RPF2: variants seen among roughly 807,000 people sequenced by gnomAD.
RPF2 encodes brix domain containing 1.
A neutral mutation model predicts 38.9 loss-of-function variants in RPF2; 21 were observed. The observed-to-expected ratio is 0.54, with a 90% confidence interval of 0.38 to 0.78. RPF2 has a LOEUF of 0.78. Ranked by LOEUF, RPF2 falls within the 30% of genes least tolerant of loss-of-function variation. The probability of loss-of-function intolerance (pLI) is 0.00; values close to 1 mark genes in which losing one functional copy is unlikely to be tolerated. For missense variants in RPF2, 314 were observed against 358.1 expected (o/e 0.88, Z 0.99); for synonymous variants, 121 against 126.2 (o/e 0.96, Z 0.28).
chr6:110,982,137 C>G lies in RPF2; in HGVS notation c.23+8C>G. On this transcript the variant is annotated splice_region_variant and intron_variant, in intron 1 of 9. Coordinates refer to ENST00000441448, the MANE Select transcript of RPF2 (RefSeq NM_032194.3). ...CACTCTGGATCGAGTAGTGTAAGTG[C>G]GCTGGGTCTCAGCCCCGGGGAGCGT... The G allele has an allele frequency of 6.2e-7, 1 of 1,614,088 alleles. No homozygotes were observed. Among genetic ancestry groups the G allele is most frequent in the Non-Finnish European group, 8.5e-7 (1 of 1,179,942 alleles).
intron 8 of RPF2, among the ~76,000 whole-genome samples, chr6:111,022,792 A>G (rs1458784265): frequency 6.6e-6 from 1 of 152,232 alleles, no homozygotes. Flanking sequence ...CGGATATGCC[A>G]TGAGCTGTTT....
chr6:111,004,731 G>A (rs1490642324), intron 6 of RPF2, among the ~76,000 whole-genome samples: 1 of 151,668 alleles, frequency 6.6e-6, no homozygotes, highest in East Asian at 1.9e-4. Context: ...ACCACGCCTG[G>A]CTAATTTCTG....
chr6:111,021,441 C>T (rs561753504), intron 8 of RPF2, among the ~76,000 whole-genome samples: 1 of 152,262 alleles, frequency 6.6e-6, no homozygotes, highest in Admixed American at 6.5e-5. Flanking sequence ...AATCACTAAA[C>T]ATGTGGATCA....
intron 6 of RPF2, among the ~76,000 whole-genome samples, chr6:111,005,582 A>G (rs9374240): frequency 0.13 from 19,677 of 152,152 alleles, 1,755 homozygotes; most frequent in East Asian, 0.5. Context: ...AAATTATATT[A>G]CTTCTCATGT....
At position 111,026,513 on chromosome 6, in the gene RPF2, T is replaced by C. The variant is rs1340553557; in HGVS notation, c.*931T>C. 2 of 152,210 alleles carry C rather than the reference T, an allele frequency of 1.3e-5. No individual in the cohort carries two copies. The highest frequency in any genetic ancestry group is 2.9e-5 in the Non-Finnish European group (2 of 68,090). The allele number at this position is 152,210 out of a possible 1,614,324, so 9.4% of individuals were successfully genotyped here. A position where few individuals can be genotyped will look rare whatever the true frequency, so the allele number is the denominator to read the frequency against. The stretch of plus-strand genomic sequence containing the variant: ...CCACTGCACCTGGCAGAAAAGAAGT[T>C]TTGATAGGGGCAGAAATGAAAAAGG... On this transcript the variant is annotated 3_prime_UTR_variant, in exon 10 of 10. Coordinates refer to ENST00000441448, the MANE Select transcript of RPF2 (RefSeq NM_032194.3).
intron 4 of RPF2, among the ~76,000 whole-genome samples, chr6:110,996,959 A>G (rs1258764762): frequency 6.6e-6 from 1 of 151,888 alleles, no homozygotes; most frequent in Non-Finnish European, 1.5e-5. Flanking sequence ...GTGCCTTCAC[A>G]CCTGGCTGTC....
At chr6:111,011,338 G>A (rs1215568275) in intron 7 of RPF2, among the ~76,000 whole-genome samples, 1 of 139,868 alleles carries the variant, frequency 7.1e-6, no homozygotes, top group African/African-American at 2.7e-5. Flanking sequence ...GTCTCACTCT[G>A]TTGCCCTGGC....
At chr6:111,002,851 C>T (rs1165196755) in intron 6 of RPF2, among the ~76,000 whole-genome samples, 1 of 151,874 alleles carries the variant, frequency 6.6e-6, no homozygotes, top group Non-Finnish European at 1.5e-5. Flanking sequence ...TCACTACAAC[C>T]TCTGCCTCCC....
At chr6:111,014,896 A>G (rs1050413416) in intron 7 of RPF2, among the ~76,000 whole-genome samples, 18 of 152,124 alleles carry the variant, frequency 1.2e-4, no homozygotes, top group African/African-American at 3.6e-4. Context: ...GGGATCAGCA[A>G]TCCTCCCACC....
At chr6:111,022,804 G>C (rs188212157) in intron 8 of RPF2, among the ~76,000 whole-genome samples, 30 of 152,298 alleles carry the variant, frequency 2.0e-4, no homozygotes, top group Admixed American at 1.5e-3. Context: ...GAGCTGTTTT[G>C]AATTGACAAG....
At chr6:111,011,452 A>G (rs897737151) in intron 7 of RPF2, among the ~76,000 whole-genome samples, 2 of 151,788 alleles carry the variant, frequency 1.3e-5, no homozygotes, top group African/African-American at 4.8e-5. Context: ...ACACCCGGCT[A>G]ATTTTTTATA....
At chr6:110,988,694 A>G (rs1771566667) in intron 2 of RPF2, among the ~76,000 whole-genome samples, 1 of 152,060 alleles carries the variant, frequency 6.6e-6, no homozygotes. Flanking sequence ...TGTCCTCCCA[A>G]AGTGTTGGGA....
intron 7 of RPF2, among the ~76,000 whole-genome samples, chr6:111,012,737 T>G (rs1370642083): frequency 1.3e-5 from 2 of 152,162 alleles, no homozygotes; most frequent in Non-Finnish European, 2.9e-5. Flanking sequence ...TGGAGCAATC[T>G]TGGCTCACTG....
At chr6:111,011,957 G>A (rs982357517) in intron 7 of RPF2, among the ~76,000 whole-genome samples, 1 of 151,968 alleles carries the variant, frequency 6.6e-6, no homozygotes, top group African/African-American at 2.4e-5. Context: ...GGGAAGTTGA[G>A]TTTTCAGTAT....
At chr6:110,997,525 G>A (rs541731197) in intron 5 of RPF2, among the ~76,000 whole-genome samples, 1 of 152,226 alleles carries the variant, frequency 6.6e-6, no homozygotes, top group East Asian at 1.9e-4. Context: ...TGGATCATTT[G>A]AGGCCAGGAG....
At chr6:111,007,567 C>T (rs1305022416) in intron 6 of RPF2, among the ~76,000 whole-genome samples, 2 of 151,910 alleles carry the variant, frequency 1.3e-5, no homozygotes, top group Non-Finnish European at 2.9e-5. Flanking sequence ...TCTGTTTTTG[C>T]CTCTAATATC....
At position 111,006,194 on chromosome 6, in the gene RPF2, G is replaced by C. The variant is rs72613256; in HGVS notation, c.394-1844G>C. Among the ~76,000 whole-genome samples, 6,963 of 151,556 alleles carry C rather than the reference G, an allele frequency of 0.046. 737 individuals carry two copies. The East Asian group carries it at 0.49, about 11-fold the overall frequency. The stretch of plus-strand genomic sequence containing the variant: ...GATCTGCCCTTCTTGGCCTCCTAAA[G>C]TGCTGGGATTACAAGTGTAAGCCAC... On this transcript the variant is annotated intron_variant, in intron 6 of 9. Coordinates refer to ENST00000441448, the MANE Select transcript of RPF2 (RefSeq NM_032194.3).
In RPF2 at chr6:111,027,530, C is replaced by A. The variant is rs1772354421; in HGVS notation, c.*1948C>A. ...GGTAGGAGGCAAAGCAGTGGGTCCT[C>A]CTCACCAGCCGCTTACGGGACCCTG... On this transcript the variant is annotated 3_prime_UTR_variant, in exon 10 of 10. Transcript: ENST00000441448. 7.2e-5 allele frequency: 11 copies of A among 152,212 alleles called. No homozygotes were observed. 9.4% of individuals were successfully genotyped at this position (152,212 alleles called of 1,614,324 possible). A position where few individuals can be genotyped will look rare whatever the true frequency, so the allele number is the denominator to read the frequency against.
chr6:110,999,784 T>G lies in RPF2; in HGVS notation c.390T>G (p.Ile130Met), dbSNP rs141176740. ...AGAATTTTGTCTCTCTAAAAGACAT[T>G]AAGGTAAGATACTCATAGAAATGAA... ...GIENFVSLKD[I>M]KNSKCPEGTK... is the part of the protein sequence containing the mutation. The change falls in exon 6 of 10, where the codon ATT becomes ATG. Residue 130 changes from isoleucine to methionine, a missense_variant. Physicochemically the swap from Ile to Met is conservative, Grantham distance 10. Coordinates refer to ENST00000441448, the MANE Select transcript of RPF2 (RefSeq NM_032194.3). The G allele has an allele frequency of 6.6e-7, 1 of 1,504,440 alleles. No individual in the cohort carries two copies. The highest frequency in any genetic ancestry group is 1.1e-5 in the South Asian group (1 of 88,788). 93.2% of individuals were successfully genotyped at this position (1,504,440 alleles called of 1,614,324 possible).
Sources: allele counts gnomAD v4.1 joint callset (sites outside exome capture counted in the v4.1 genomes callset), GRCh38; gene constraint gnomAD v4.1.1; transcripts MANE v1.5; gene names NCBI Gene and HGNC (gene_info 2026-07-23, HGNC 2026-07-21).